KCNG2: variants seen among roughly 807,000 people sequenced by gnomAD.
KCNG2 encodes the protein voltage-gated potassium channel regulatory subunit KCNG2.
A neutral mutation model predicts 12.3 loss-of-function variants in KCNG2; 7 were observed. The observed-to-expected ratio is 0.57, with a 90% CI of 0.32 to 1.07. KCNG2 has a LOEUF of 1.07. Ranked by LOEUF, KCNG2 falls within the 50% of genes least tolerant of loss-of-function variation. The pLI, the probability that KCNG2 is intolerant of heterozygous loss-of-function variation, is 0.04. For synonymous variants in KCNG2, 414 were observed against 351.4 expected (o/e 1.18, Z -1.99); for missense variants, 703 against 726.0 (o/e 0.97, Z 0.36).
At chr18:79,882,242 G>T (rs917135923) in intron 3 of KCNG2, among the ~76,000 whole-genome samples, 2 of 152,200 alleles carry the variant, frequency 1.3e-5, no homozygotes, top group Admixed American at 1.3e-4. Context: ...CCTAGTTGGG[G>T]TCTCAGGCCT....
At chr18:79,883,440 C>A (rs758901180) in intron 3 of KCNG2, among the ~76,000 whole-genome samples, 7 of 152,268 alleles carry the variant, frequency 4.6e-5, no homozygotes, top group Non-Finnish European at 8.8e-5. Flanking sequence ...CGTTCCCTGA[C>A]AACTCCCCAA....
chr18:79,864,697 G>C (rs1329964541), intron 3 of KCNG2, among the ~76,000 whole-genome samples: 1 of 152,196 alleles, frequency 6.6e-6, no homozygotes, highest in African/African-American at 2.4e-5. Flanking sequence ...AGACCCAACC[G>C]CATTGTTTCA....
At chr18:79,873,426 TC>T (rs138533244) in intron 3 of KCNG2, among the ~76,000 whole-genome samples, 4,124 of 86,800 alleles carry the variant, frequency 0.048, 243 homozygotes, top group African/African-American at 0.13. Context: ...CCGGCCCCCC[TC>T]CCCCCCCCCC....
intron 1 of KCNG2, among the ~76,000 whole-genome samples, chr18:79,817,750 G>A (rs990898933): frequency 6.6e-6 from 1 of 152,210 alleles, no homozygotes; most frequent in Non-Finnish European, 1.5e-5. Flanking sequence ...GGGAAAGCAT[G>A]GTTTTTAGCC....
At position 79,899,516 on chromosome 18, in the gene KCNG2, G is replaced by C. The variant is rs1365957595; in HGVS notation, c.1101G>C (p.Met367Ile). The C allele has an allele frequency of 6.2e-7, 1 of 1,607,326 alleles. No individual in the cohort carries two copies. Among genetic ancestry groups the C allele is most frequent in the South Asian group, 1.1e-5 (1 of 89,996 alleles). Residue 367 changes from methionine to isoleucine, a missense_variant, in exon 4 of 4, where the codon ATG (methionine) becomes ATC (isoleucine). Transcript: ENST00000316249. ...GCTATTGGTGGGCCGTCATCTCCAT[G>C]ACCACCGTGGGCTACGGCGACATGG... ...PASYWWAVIS[M>I]TTVGYGDMVP... is the part of the protein sequence containing the mutation.
At chr18:79,835,472 G>T (rs1010942675) in intron 1 of KCNG2, among the ~76,000 whole-genome samples, 1 of 152,176 alleles carries the variant, frequency 6.6e-6, no homozygotes, top group Non-Finnish European at 1.5e-5. Context: ...CTCAGCAAAG[G>T]AATAGAAGAT....
At chr18:79,834,766 A>G (rs1337247931) in intron 1 of KCNG2, among the ~76,000 whole-genome samples, 1 of 152,186 alleles carries the variant, frequency 6.6e-6, no homozygotes, top group Non-Finnish European at 1.5e-5. Flanking sequence ...CTCCCAACAG[A>G]CTTCCTTGTC....
At position 79,822,862 on chromosome 18, in the gene KCNG2, C is replaced by T. The variant is rs561646225; in HGVS notation, c.-115+24848C>T. On this transcript the variant is annotated intron_variant, in intron 1 of 3. Coordinates refer to ENST00000316249, the MANE Select transcript of KCNG2 (RefSeq NM_012283.2). This position sits in a 1 kb window ranked among gnomAD's most constrained non-coding sequence, Gnocchi z 4.4. ...GAGAGCCCTTGTCTCCCCACGCTTC[C>T]GTGGGGTTGTGGATTCCTTGTGAGG... 3.3e-5 allele frequency among the ~76,000 whole-genome samples: 5 copies of T among 152,328 alleles called. No homozygotes were observed. Among genetic ancestry groups the T allele is most frequent in the Middle Eastern group, 3.4e-3 (1 of 294 alleles).
At chr18:79,883,171 A>T (rs1197269667) in intron 3 of KCNG2, among the ~76,000 whole-genome samples, 1 of 149,704 alleles carries the variant, frequency 6.7e-6, no homozygotes, top group Non-Finnish European at 1.5e-5. Context: ...GACGCGGGAG[A>T]GGCCAGGCCA....
intron 1 of KCNG2, among the ~76,000 whole-genome samples, chr18:79,831,596 A>G (rs1291324973): frequency 1.5e-5 from 2 of 129,254 alleles, no homozygotes; most frequent in African/African-American, 5.8e-5. Context: ...CCCTGCGTAC[A>G]GAGCCTTCGT....
chr18:79,878,639 A>AT (rs970421616), intron 3 of KCNG2, among the ~76,000 whole-genome samples: 232 of 151,946 alleles, frequency 1.5e-3, no homozygotes, highest in African/African-American at 5.4e-3. Context: ...TAAGTTCCTG[A>AT]TTTTTTTTTC....
chr18:79,883,926 C>A (rs1461876105), intron 3 of KCNG2, among the ~76,000 whole-genome samples: 1 of 152,188 alleles, frequency 6.6e-6, no homozygotes, highest in Non-Finnish European at 1.5e-5. Context: ...ACCGGCACGT[C>A]CACGAGGGCT....
rs113422755 is a variant in KCNG2, at chr18:79,803,134, C to T, written c.-115+5120C>T. Among the ~76,000 whole-genome samples the T allele has an allele frequency of 0.089, 13,606 of 152,146 alleles. 694 individuals are homozygous for T. The highest frequency in any genetic ancestry group is 0.13 in the South Asian group (650 of 4,822). ...CGGAGCTTGCAGTGAGCCGAGATCG[C>T]GCCACTGCACTCCAGCCTGGGTGAC... On this transcript the variant is annotated intron_variant, in intron 1 of 3. Coordinates refer to ENST00000316249, the MANE Select transcript of KCNG2 (RefSeq NM_012283.2). This position sits in a 1 kb window ranked among gnomAD's most constrained non-coding sequence, Gnocchi z 4.5.
chr18:79,819,086 AAG>A (rs1265714197), intron 1 of KCNG2, among the ~76,000 whole-genome samples: 3 of 152,226 alleles, frequency 2.0e-5, no homozygotes, highest in Non-Finnish European at 4.4e-5. Flanking sequence ...GGGAAGAAGA[AAG>A]AGCAGAGAGA....
At chr18:79,847,744 A>G (rs112898512) in intron 1 of KCNG2, among the ~76,000 whole-genome samples, 7 of 152,268 alleles carry the variant, frequency 4.6e-5, no homozygotes, top group African/African-American at 1.7e-4. Flanking sequence ...CTCATGTTGC[A>G]TGTAGAACCG....
At chr18:79,852,931 T>C (rs1978876581) in intron 1 of KCNG2, among the ~76,000 whole-genome samples, 1 of 152,232 alleles carries the variant, frequency 6.6e-6, no homozygotes, top group Non-Finnish European at 1.5e-5. Context: ...TGTCATTTCT[T>C]TGGGGGTACC....
chr18:79,839,515 C>G (rs904665967), intron 1 of KCNG2, among the ~76,000 whole-genome samples: 3 of 152,128 alleles, frequency 2.0e-5, no homozygotes, highest in African/African-American at 4.8e-5. Context: ...CACAATTCAC[C>G]CAGTGTGAAA....
At chr18:79,871,513 A>G (rs997762671) in intron 3 of KCNG2, among the ~76,000 whole-genome samples, 3 of 151,938 alleles carry the variant, frequency 2.0e-5, no homozygotes, top group Non-Finnish European at 4.4e-5. Flanking sequence ...TCCATGTGGT[A>G]TAACAAGGGC....
rs545508063 is a variant in KCNG2 at position 79,884,836 on chromosome 18, C to A, written c.625-14204C>A. On this transcript the variant is annotated intron_variant, in intron 3 of 3. Coordinates refer to ENST00000316249, the MANE Select transcript of KCNG2 (RefSeq NM_012283.2). This position sits in a 1 kb window ranked among gnomAD's most constrained non-coding sequence, Gnocchi z 5.5. ...GTTCCTGTGCGTGGGAGCAAACTTGCTTTTCCCATTCACAGAAACACAGTA... is the reference window on the plus strand; with the variant it reads ...GTTCCTGTGCGTGGGAGCAAACTTGATTTTCCCATTCACAGAAACACAGTA... Among the ~76,000 whole-genome samples the A allele has an allele frequency of 2.0e-5, 3 of 152,154 alleles. No homozygotes were observed. Among genetic ancestry groups the A allele is most frequent in the Non-Finnish European group, 4.4e-5 (3 of 68,028 alleles).
Sources: allele counts gnomAD v4.1 joint callset (sites outside exome capture counted in the v4.1 genomes callset), GRCh38; gene constraint gnomAD v4.1.1; non-coding constraint Gnocchi (gnomAD v3.1); transcripts MANE v1.5; gene names NCBI Gene and HGNC (gene_info 2026-07-23, HGNC 2026-07-21).